ZNF727: variants seen among roughly 807,000 people sequenced by gnomAD.
ZNF727 encodes putative zinc finger protein 727.
Under a neutral mutation model 11.5 loss-of-function variants are expected in ZNF727, and 11 were observed. The observed-to-expected ratio is 0.95, with a 90% CI of 0.60 to 1.58. The LOEUF is 1.58. Among genes scored for constraint, ZNF727 ranks in the 40% most tolerant of loss-of-function variants. The probability of loss-of-function intolerance (pLI) is 0.00; values close to 1 mark genes in which losing one functional copy is unlikely to be tolerated. For synonymous variants in ZNF727, 171 were observed against 196.1 expected (o/e 0.87, Z 1.07); for missense variants, 533 against 581.7 (o/e 0.92, Z 0.86).
intron 3 of ZNF727, among the ~76,000 whole-genome samples, chr7:64,073,449 T>C (rs1446818279): frequency 9.2e-6 from 1 of 108,824 alleles, no homozygotes; most frequent in Non-Finnish European, 2.4e-5. Flanking sequence ...TACTGGGTTC[T>C]TTTTTTTCTT....
intron 1 of ZNF727, among the ~76,000 whole-genome samples, chr7:64,049,334 A>G (rs1584139621): frequency 2.0e-5 from 3 of 151,918 alleles, no homozygotes; most frequent in East Asian, 3.9e-4. Flanking sequence ...AATTTTATGT[A>G]TTCTTTAACC....
rs1426905711 is a variant in ZNF727 at position 64,082,756 on chromosome 7, C to T, written c.*4207C>T. 6.6e-6 allele frequency among the ~76,000 whole-genome samples: 1 copy of T among 152,148 alleles called. No homozygotes were observed. The highest frequency in any genetic ancestry group is 1.5e-5 in the Non-Finnish European group (1 of 68,026). Reference sequence around the variant, plus strand: ...AATTAGCCAGGTGTGGCGGCATGCACCAGTAGTCTCAGCTAATCGGGAGGC... The same window carrying T: ...AATTAGCCAGGTGTGGCGGCATGCATCAGTAGTCTCAGCTAATCGGGAGGC... On this transcript the variant is annotated 3_prime_UTR_variant, in exon 4 of 4. Transcript: ENST00000456806.
At chr7:64,063,515 G>A (rs1789811865) in intron 1 of ZNF727, among the ~76,000 whole-genome samples, 1 of 136,456 alleles carries the variant, frequency 7.3e-6, no homozygotes, top group Non-Finnish European at 1.7e-5. Context: ...GCCTGGAGCT[G>A]GAGTGGGTGT....
intron 1 of ZNF727, among the ~76,000 whole-genome samples, chr7:64,051,901 C>A (rs1188723356): frequency 6.6e-6 from 1 of 152,168 alleles, no homozygotes; most frequent in Non-Finnish European, 1.5e-5. Context: ...TGATTTAGAA[C>A]TGTCAAAAGA....
chr7:64,069,241 T>C, intron 2 of ZNF727, among the ~76,000 whole-genome samples: 1 of 152,044 alleles, frequency 6.6e-6, no homozygotes, highest in East Asian at 1.9e-4. Flanking sequence ...TAAATTATGG[T>C]AATATCAGAA....
At position 64,077,897 on chromosome 7, in the gene ZNF727, C is replaced by T. The variant is rs1785710103; in HGVS notation, c.848C>T (p.Pro283Leu). 1 of 1,583,106 alleles carries T rather than the reference C, an allele frequency of 6.3e-7. No individual in the cohort carries two copies. The highest frequency in any genetic ancestry group is 1.1e-5 in the South Asian group (1 of 87,514). Residue 283 changes from proline (P) to leucine (L), a missense_variant, in exon 4 of 4, where the codon CCC becomes CTC. Coordinates refer to ENST00000456806, the MANE Select transcript of ZNF727 (RefSeq NM_001159522.3). Reference sequence around the variant, plus strand: ...AAGAGAATTCATACTGGAGAGAAACCCTACAAATGTAAAGAATGTCACAAA... The same window carrying T: ...AAGAGAATTCATACTGGAGAGAAACTCTACAAATGTAAAGAATGTCACAAA... ...KHKRIHTGEK[P>L]YKCKECHKAF... is the part of the protein sequence containing the mutation.
At chr7:64,048,488 A>G (rs577990247) in intron 1 of ZNF727, among the ~76,000 whole-genome samples, 3 of 152,328 alleles carry the variant, frequency 2.0e-5, no homozygotes, top group African/African-American at 7.2e-5. Flanking sequence ...CATTCATGAA[A>G]ACATCAGTTT....
At chr7:64,063,310 A>G (rs1789805191) in intron 1 of ZNF727, among the ~76,000 whole-genome samples, 1 of 152,114 alleles carries the variant, frequency 6.6e-6, no homozygotes, top group African/African-American at 2.4e-5. Flanking sequence ...TAAGTCTTTG[A>G]TCATTGCAGT....
intron 1 of ZNF727, among the ~76,000 whole-genome samples, chr7:64,046,936 A>G (rs568099290): frequency 1.3e-5 from 2 of 151,314 alleles, no homozygotes; most frequent in East Asian, 3.9e-4. Flanking sequence ...ATGTACTTAG[A>G]GCTTTATTGG....
intron 1 of ZNF727, among the ~76,000 whole-genome samples, chr7:64,050,416 C>A (rs987220127): frequency 6.6e-6 from 1 of 152,142 alleles, no homozygotes; most frequent in African/African-American, 2.4e-5. Context: ...AAAACAGGTA[C>A]CCTGCCAAAG....
intron 1 of ZNF727, among the ~76,000 whole-genome samples, chr7:64,051,217 T>G (rs1407256287): frequency 6.6e-6 from 1 of 152,138 alleles, no homozygotes; most frequent in Non-Finnish European, 1.5e-5. Context: ...TCTGAACTAG[T>G]GACTAAAAAC....
chr7:64,074,818 T>C (rs1226419326), intron 3 of ZNF727, among the ~76,000 whole-genome samples: 1 of 152,166 alleles, frequency 6.6e-6, no homozygotes, highest in Non-Finnish European at 1.5e-5. Context: ...ACAGAACGCA[T>C]GAAAACACTA....
chr7:64,054,397 G>A (rs184785067), intron 1 of ZNF727, among the ~76,000 whole-genome samples: 295 of 152,232 alleles, frequency 1.9e-3, no homozygotes, highest in African/African-American at 6.8e-3. Flanking sequence ...CTATGACCAA[G>A]GCTCCCTACA....
At chr7:64,060,872 T>C (rs1898826) in intron 1 of ZNF727, among the ~76,000 whole-genome samples, 114,787 of 151,484 alleles carry the variant, frequency 0.76, 43,608 homozygotes, top group Admixed American at 0.79. Flanking sequence ...TTCATAGCTA[T>C]GTTTTTCATT....
At chr7:64,067,138 T>A (rs1789881658) in intron 1 of ZNF727, among the ~76,000 whole-genome samples, 1 of 90,654 alleles carries the variant, frequency 1.1e-5, no homozygotes, top group Admixed American at 1.2e-4. Context: ...CCAACAAACA[T>A]GAAAAAAAAC....
At chr7:64,046,446 G>C (rs1464553456) in intron 1 of ZNF727, among the ~76,000 whole-genome samples, 1 of 152,176 alleles carries the variant, frequency 6.6e-6, no homozygotes, top group Admixed American at 6.5e-5. Flanking sequence ...TGGATTATGG[G>C]CGTGAATTTC....
chr7:64,052,876 C>G (rs778663348), intron 1 of ZNF727, among the ~76,000 whole-genome samples: 2 of 152,198 alleles, frequency 1.3e-5, no homozygotes, highest in East Asian at 3.9e-4. Flanking sequence ...TTCAAACTTG[C>G]GTGAGACCTG....
chr7:64,064,439 T>C (rs1789831374), intron 1 of ZNF727, among the ~76,000 whole-genome samples: 1 of 152,142 alleles, frequency 6.6e-6, no homozygotes, highest in East Asian at 1.9e-4. Context: ...TGATGTTGTA[T>C]TCTACTGTGG....
rs1020254082 is a variant in ZNF727, at chr7:64,081,656, T to C, written c.*3107T>C. On this transcript the variant is annotated 3_prime_UTR_variant, in exon 4 of 4. Transcript: ENST00000456806. ...GTACCTGAGACTGCCCTGTAAGCAGTTGTGGCCAGACTGGATCCCTGGGAG... is the reference window on the plus strand; with the variant it reads ...GTACCTGAGACTGCCCTGTAAGCAGCTGTGGCCAGACTGGATCCCTGGGAG... Among the ~76,000 whole-genome samples, 1 of 152,180 alleles carries C rather than the reference T, an allele frequency of 6.6e-6. No homozygotes were observed. Among genetic ancestry groups the C allele is most frequent in the African/African-American group, 2.4e-5 (1 of 41,512 alleles).
Sources: allele counts gnomAD v4.1 joint callset (sites outside exome capture counted in the v4.1 genomes callset), GRCh38; gene constraint gnomAD v4.1.1; transcripts MANE v1.5; gene names NCBI Gene and HGNC (gene_info 2026-07-23, HGNC 2026-07-21).